The following CWC27 variants were observed in gnomAD, a reference collection of about 807,000 sequenced individuals.
CWC27 encodes the protein spliceosome-associated protein CWC27 homolog.
In CWC27, 47 loss-of-function variants were observed where a neutral mutation model predicts 63.6. That is an observed-to-expected ratio of 0.74 (90% CI 0.58 to 0.94). The LOEUF (loss-of-function observed/expected upper bound fraction) is 0.94. Ranked by LOEUF, CWC27 falls within the 40% of genes least tolerant of loss-of-function variation. The probability of loss-of-function intolerance (pLI) is 0.00; values close to 1 mark genes in which losing one functional copy is unlikely to be tolerated. For synonymous variants in CWC27, 175 were observed against 179.8 expected, an observed-to-expected ratio of 0.97 and a Z score of 0.22; for missense variants, 495 against 554.3, an observed-to-expected ratio of 0.89 and a Z score of 1.07.
At chr5:64,943,062 T>C (rs192826778) in intron 11 of CWC27, among the ~76,000 whole-genome samples, 1 of 152,192 alleles carries the variant, frequency 6.6e-6, no homozygotes, top group Admixed American at 6.5e-5. Flanking sequence ...AAGTCTTAAA[T>C]GTTTAAAACA....
intron 10 of CWC27, among the ~76,000 whole-genome samples, chr5:64,851,808 T>C (rs546231053): frequency 6.6e-6 from 1 of 152,340 alleles, no homozygotes; most frequent in Non-Finnish European, 1.5e-5. Context: ...TCAAGATGTA[T>C]TGAATACTTA....
chr5:64,947,607 T>C (rs1413750879), intron 11 of CWC27, among the ~76,000 whole-genome samples: 1 of 152,144 alleles, frequency 6.6e-6, no homozygotes, highest in East Asian at 1.9e-4. Context: ...ATTTCACTAG[T>C]TATTAACAGA....
chr5:64,922,453 T>G (rs1748016323), intron 11 of CWC27, among the ~76,000 whole-genome samples: 1 of 152,248 alleles, frequency 6.6e-6, no homozygotes, highest in Non-Finnish European at 1.5e-5. Context: ...TTGAAATTCC[T>G]GTAGTGAATT....
intron 9 of CWC27, among the ~76,000 whole-genome samples, chr5:64,802,791 A>G (rs1314463360): frequency 6.6e-6 from 1 of 152,186 alleles, no homozygotes; most frequent in Non-Finnish European, 1.5e-5. Context: ...TTCAAGATTG[A>G]GGTAATTTGG....
Position 64,880,853 on chromosome 5 carries a change from C to CTTTTTTTTTTTT in CWC27, c.939-4590_939-4589insTTTTTTTTTTTT, listed in dbSNP as rs571051416. Among the ~76,000 whole-genome samples the CTTTTTTTTTTTT allele has an allele frequency of 2.2e-5, 3 of 136,080 alleles. 1 individual carries two copies. Among genetic ancestry groups the CTTTTTTTTTTTT allele is most frequent in the Non-Finnish European group, 3.1e-5 (2 of 64,256 alleles). The allele number at this position is 136,080 out of a possible 152,430, so 89.3% of individuals were successfully genotyped here. A position where few individuals can be genotyped will look rare whatever the true frequency, so the allele number is the denominator to read the frequency against. ...AGAGTTAGTAACAGTTTATAAAAGC[C>CTTTTTTTTTTTT]ATTTTTTTTTTTTTTTTTTTTACCA... On this transcript the variant is annotated intron_variant, in intron 10 of 13. Transcript: ENST00000381070.
chr5:64,860,361 A>G (rs1401896322), intron 10 of CWC27, among the ~76,000 whole-genome samples: 1 of 152,170 alleles, frequency 6.6e-6, no homozygotes, highest in Non-Finnish European at 1.5e-5. Context: ...AAACATCTCT[A>G]TCTGTCTAAA....
At chr5:64,999,621 A>C (rs150766234) in intron 13 of CWC27, among the ~76,000 whole-genome samples, 190 of 152,200 alleles carry the variant, frequency 1.2e-3, no homozygotes, top group African/African-American at 4.4e-3. Flanking sequence ...ATTTCACTTA[A>C]CATCATGGCC....
intron 11 of CWC27, among the ~76,000 whole-genome samples, chr5:64,928,561 C>T (rs1006805375): frequency 3.3e-5 from 5 of 151,120 alleles, no homozygotes; most frequent in African/African-American, 9.8e-5. Context: ...GGGAAAAAAG[C>T]CAAGTGCACA....
intron 10 of CWC27, 76 bp downstream of exon 10, chr5:64,804,462 T>G: frequency 1.5e-6 from 2 of 1,337,406 alleles, no homozygotes; most frequent in Non-Finnish European, 2.0e-6. Flanking sequence ...GAATCCTCTC[T>G]TCAGCTAATT....
chr5:65,015,978 A>G (rs1052229274), intron 13 of CWC27, among the ~76,000 whole-genome samples: 3 of 152,180 alleles, frequency 2.0e-5, no homozygotes. Context: ...TGGCTTTCAG[A>G]GGTGTATTTA....
intron 13 of CWC27, among the ~76,000 whole-genome samples, chr5:65,014,542 C>CA (rs1712691775): frequency 1.3e-5 from 2 of 151,684 alleles, no homozygotes; most frequent in Non-Finnish European, 2.9e-5. Flanking sequence ...TAATTAATTC[C>CA]AAAAAAATTC....
chr5:64,956,540 C>T (rs1390666528), intron 11 of CWC27, among the ~76,000 whole-genome samples: 2 of 152,158 alleles, frequency 1.3e-5, no homozygotes. Flanking sequence ...CTCTACCCAG[C>T]TTTCCCTCTC....
chr5:64,895,333 G>A (rs1321225213), intron 11 of CWC27, among the ~76,000 whole-genome samples: 1 of 150,114 alleles, frequency 6.7e-6, no homozygotes, highest in Non-Finnish European at 1.5e-5. Context: ...AAAAAAAAAG[G>A]ACCAGAACAC....
chr5:64,978,036 G>T (rs914332934), intron 13 of CWC27, among the ~76,000 whole-genome samples: 2 of 151,990 alleles, frequency 1.3e-5, no homozygotes, highest in Admixed American at 6.5e-5. Flanking sequence ...CCCCAACCCA[G>T]AATCATAGCC....
chr5:64,876,185 G>T (rs955444280), intron 10 of CWC27, among the ~76,000 whole-genome samples: 2 of 152,002 alleles, frequency 1.3e-5, no homozygotes, highest in Admixed American at 6.6e-5. Context: ...TTGAAATATG[G>T]TGAACCTACA....
At chr5:64,945,041 A>C (rs1394672663) in intron 11 of CWC27, among the ~76,000 whole-genome samples, 1 of 152,110 alleles carries the variant, frequency 6.6e-6, no homozygotes. Context: ...ATCTGAGTAC[A>C]CATTTGGCAT....
intron 13 of CWC27, among the ~76,000 whole-genome samples, chr5:65,003,403 C>A (rs1223316011): frequency 1.3e-5 from 2 of 151,998 alleles, no homozygotes; most frequent in Non-Finnish European, 2.9e-5. Flanking sequence ...TCCCTTTCTT[C>A]TTCTCCTATT....
intron 11 of CWC27, among the ~76,000 whole-genome samples, chr5:64,904,832 A>G (rs1456823113): frequency 6.6e-6 from 1 of 152,228 alleles, no homozygotes; most frequent in African/African-American, 2.4e-5. Context: ...CTTTCAGCTC[A>G]TAGGAATTTA....
intron 4 of CWC27, among the ~76,000 whole-genome samples, chr5:64,785,084 T>C (rs1372447026): frequency 6.6e-6 from 1 of 152,210 alleles, no homozygotes; most frequent in African/African-American, 2.4e-5. Context: ...ACTTTTAGGT[T>C]GTTTGTGAGG....
Sources: allele counts gnomAD v4.1 joint callset (sites outside exome capture counted in the v4.1 genomes callset), GRCh38; gene constraint gnomAD v4.1.1; transcripts MANE v1.5; gene names NCBI Gene and HGNC (gene_info 2026-07-23, HGNC 2026-07-21).